The following HEATR4 variants were observed in gnomAD, a reference collection of about 807,000 sequenced individuals.
HEATR4 encodes the protein HEAT repeat containing 4, also known as HEAT repeat-containing protein 4.
A neutral mutation model predicts 108.8 loss-of-function variants in HEATR4; 95 were observed. The observed-to-expected ratio is 0.87, with a 90% CI of 0.74 to 1.04. The LOEUF is 1.04. HEATR4 is among the 50% of genes least tolerant of loss of function. The probability of loss-of-function intolerance (pLI) is 0.00; values close to 1 mark genes in which losing one functional copy is unlikely to be tolerated. For missense variants in HEATR4, 1,152 were observed against 1,253.8 expected, an observed-to-expected ratio of 0.92 and a Z score of 1.23; for synonymous variants, 443 against 459.4, an observed-to-expected ratio of 0.96 and a Z score of 0.46.
At chr14:73,564,896 TTAAAAAATGTTAATATCTTGG>T in the HEATR4 span, among the ~76,000 whole-genome samples, 2 of 151,814 alleles carry the variant, frequency 1.3e-5, no homozygotes, top group African/African-American at 2.4e-5. Context: ...AGTAGTCTTT[TTAAAAAATGTTAATATCTTGG>T]TAAAAAATAT....
At chr14:73,496,567 T>A (rs1043961558) in intron 15 of HEATR4, 34 bp downstream of exon 15, 2 of 1,401,182 alleles carry the variant, frequency 1.4e-6, no homozygotes, top group African/African-American at 2.8e-5. Context: ...GAGTCCTGAA[T>A]TTTCTCTTGA....
At chr14:73,510,984 T>C (rs1242706905) in intron 7 of HEATR4, among the ~76,000 whole-genome samples, 1 of 152,218 alleles carries the variant, frequency 6.6e-6, no homozygotes, top group Non-Finnish European at 1.5e-5. Context: ...TCAGTCCCAA[T>C]GTAATTTATC....
chr14:73,595,467 A>G, the HEATR4 span: 1 of 1,614,176 alleles, frequency 6.2e-7, no homozygotes, highest in East Asian at 2.2e-5. Flanking sequence ...GGGACTGGGC[A>G]TTACATCGAG....
chr14:73,586,702 G>GAAAA, the HEATR4 span, among the ~76,000 whole-genome samples: 1 of 122,992 alleles, frequency 8.1e-6, no homozygotes. Context: ...GACTCTGTCT[G>GAAAA]AAAAAAAAAA....
chr14:73,590,645 G>A, the HEATR4 span, among the ~76,000 whole-genome samples: 2 of 152,174 alleles, frequency 1.3e-5, no homozygotes, highest in African/African-American at 4.8e-5. Flanking sequence ...GCTAAGGCCC[G>A]CTGAGAAATC....
the HEATR4 span, among the ~76,000 whole-genome samples, chr14:73,570,450 T>C: frequency 6.6e-6 from 1 of 151,858 alleles, no homozygotes. Flanking sequence ...GCGCCTGTAG[T>C]CCCAGCTACT....
chr14:73,561,951 T>G (rs539116853), upstream of HEATR4, among the ~76,000 whole-genome samples: 35 of 152,164 alleles, frequency 2.3e-4, no homozygotes, highest in African/African-American at 8.2e-4. Flanking sequence ...GCCACTGCAC[T>G]CCAGAGCCTG....
At chr14:73,548,366 G>A (rs1365042046) in intron 1 of HEATR4, among the ~76,000 whole-genome samples, 1 of 115,266 alleles carries the variant, frequency 8.7e-6, no homozygotes, top group Non-Finnish European at 1.9e-5. Context: ...AGAGTTTGGA[G>A]TGCAGAAGAG....
At chr14:73,562,057 G>C (rs1454811034), upstream of HEATR4, among the ~76,000 whole-genome samples, 2 of 152,026 alleles carry the variant, frequency 1.3e-5, no homozygotes, top group East Asian at 1.9e-4. Flanking sequence ...AAATAAGCCA[G>C]AGATGAAGGG....
chr14:73,487,335 G>A (rs1352083405), intron 17 of HEATR4, among the ~76,000 whole-genome samples: 1 of 152,026 alleles, frequency 6.6e-6, no homozygotes, highest in Non-Finnish European at 1.5e-5. Context: ...GGGAGGCTGA[G>A]GCAGGCAGAT....
chr14:73,528,251 C>T (rs991436541), intron 2 of HEATR4, among the ~76,000 whole-genome samples: 36 of 151,694 alleles, frequency 2.4e-4, no homozygotes, highest in African/African-American at 7.3e-4. Flanking sequence ...AAAAAATTAG[C>T]GGGTGTGGTG....
At chr14:73,528,216 G>A (rs1163690557) in intron 2 of HEATR4, among the ~76,000 whole-genome samples, 2 of 151,786 alleles carry the variant, frequency 1.3e-5, no homozygotes, top group Non-Finnish European at 2.9e-5. Flanking sequence ...CCAACATGGC[G>A]AAGCCCCATC....
chr14:73,526,575 C>T (rs539554967), intron 2 of HEATR4, among the ~76,000 whole-genome samples: 1 of 151,988 alleles, frequency 6.6e-6, no homozygotes, highest in Non-Finnish European at 1.5e-5. Context: ...AAGACAAAGT[C>T]CAGAAGACTT....
rs1244735857 is a variant in HEATR4 at position 73,537,919 on chromosome 14, G to T, written c.-151-7675C>A. ...TAATTGTTCCCCTCTGCCCATCCCT[G>T]TTCCTGCGCTTTCCACTGTGTGTGT... On this transcript the variant is annotated intron_variant, in intron 1 of 17. Coordinates refer to ENST00000553558, the MANE Select transcript of HEATR4 (RefSeq NM_001220484.1). 2 of 1,148,086 alleles carry T rather than the reference G, an allele frequency of 1.7e-6. 1 individual carries two copies. Among genetic ancestry groups the T allele is most frequent in the Non-Finnish European group, 2.2e-6 (2 of 895,256 alleles). The allele number at this position is 1,148,086 out of a possible 1,614,324, so 71.1% of individuals were successfully genotyped here. A position where few individuals can be genotyped will look rare whatever the true frequency, so the allele number is the denominator to read the frequency against.
At chr14:73,560,775 C>A (rs918009718), upstream of HEATR4, among the ~76,000 whole-genome samples, 2 of 151,966 alleles carry the variant, frequency 1.3e-5, no homozygotes, top group African/African-American at 2.4e-5. Context: ...TATGATGGCA[C>A]TACTGCACCC....
At chr14:73,564,728 G>GTTTTTT in the HEATR4 span, among the ~76,000 whole-genome samples, 16 of 37,182 alleles carry the variant, frequency 4.3e-4, no homozygotes, top group Non-Finnish European at 5.8e-4. Context: ...TCTGTTTTTT[G>GTTTTTT]TTTTTTTTTT....
chr14:73,587,607 T>C, the HEATR4 span, among the ~76,000 whole-genome samples: 1 of 152,074 alleles, frequency 6.6e-6, no homozygotes, highest in East Asian at 1.9e-4. Context: ...CTGCCCGCCT[T>C]GGCCTCCCAA....
chr14:73,619,946 C>T, the HEATR4 span: 24 of 1,258,466 alleles, frequency 1.9e-5, no homozygotes, highest in East Asian at 5.5e-4. Flanking sequence ...CTGTATCACT[C>T]TGTCACATAG....
chr14:73,620,499 G>C, the HEATR4 span, among the ~76,000 whole-genome samples: 1 of 152,090 alleles, frequency 6.6e-6, no homozygotes, highest in Non-Finnish European at 1.5e-5. Context: ...TATCCCCTTT[G>C]GCCCTAACTG....
Sources: allele counts gnomAD v4.1 joint callset (sites outside exome capture counted in the v4.1 genomes callset), GRCh38; gene constraint gnomAD v4.1.1; transcripts MANE v1.5; gene names NCBI Gene and HGNC (gene_info 2026-07-23, HGNC 2026-07-21).